HS6ST3: variants seen among roughly 807,000 people sequenced by gnomAD.
HS6ST3 encodes heparan sulfate 6-O-sulfotransferase 3, also known as heparan-sulfate 6-O-sulfotransferase 3.
HS6ST3 carries 12 observed loss-of-function variants against 36.7 expected under a neutral mutation model. That is an observed-to-expected ratio of 0.33 (90% CI 0.21 to 0.53). HS6ST3 has a LOEUF of 0.53. Among genes scored for constraint, HS6ST3 ranks in the 20% least tolerant of loss-of-function variants. The pLI, the probability that HS6ST3 is intolerant of heterozygous loss-of-function variation, is 0.95. For synonymous variants in HS6ST3, 240 were observed against 257.5 expected, an observed-to-expected ratio of 0.93 and a Z score of 0.65; for missense variants, 584 against 640.9, an observed-to-expected ratio of 0.91 and a Z score of 0.96.
intron 1 of HS6ST3, among the ~76,000 whole-genome samples, chr13:96,451,608 A>G (rs1033908697): frequency 6.6e-6 from 1 of 152,192 alleles, no homozygotes; most frequent in Non-Finnish European, 1.5e-5. Flanking sequence ...ATGAAAAGCC[A>G]TCTTGTGCAG....
chr13:96,291,349 A>G (rs2054828961), intron 1 of HS6ST3, among the ~76,000 whole-genome samples: 2 of 152,280 alleles, frequency 1.3e-5, no homozygotes, highest in Non-Finnish European at 2.9e-5. Flanking sequence ...AGTATTGATG[A>G]CAAGGGTTGG....
intron 1 of HS6ST3, among the ~76,000 whole-genome samples, chr13:96,778,052 T>C (rs1327801324): frequency 1.3e-5 from 2 of 152,146 alleles, no homozygotes; most frequent in African/African-American, 4.8e-5. Context: ...TTGACAAACC[T>C]GACAAAAACA....
intron 1 of HS6ST3, among the ~76,000 whole-genome samples, chr13:96,454,642 A>G (rs2055745922): frequency 6.6e-6 from 1 of 151,862 alleles, no homozygotes; most frequent in East Asian, 1.9e-4. Flanking sequence ...TAAAACATTT[A>G]GGTTTTTTTA....
At chr13:96,728,502 G>A (rs1274077540) in intron 1 of HS6ST3, among the ~76,000 whole-genome samples, 15 of 152,218 alleles carry the variant, frequency 9.9e-5, no homozygotes, top group East Asian at 5.8e-4. Context: ...ATTTAATGAC[G>A]TCTATTCCCG....
intron 1 of HS6ST3, among the ~76,000 whole-genome samples, chr13:96,468,220 T>A (rs2055823710): frequency 6.6e-6 from 1 of 152,108 alleles, no homozygotes; most frequent in Non-Finnish European, 1.5e-5. Context: ...TTTAAGAAAA[T>A]GAGAAATCAG....
intron 1 of HS6ST3, among the ~76,000 whole-genome samples, chr13:96,656,624 C>T (rs1358835339): frequency 1.3e-5 from 2 of 152,134 alleles, no homozygotes; most frequent in African/African-American, 4.8e-5. Flanking sequence ...GTCAGGGTCA[C>T]TGTGAACTTT....
intron 1 of HS6ST3, among the ~76,000 whole-genome samples, chr13:96,706,402 T>C (rs867191753): frequency 1.5e-5 from 2 of 134,176 alleles, no homozygotes; most frequent in African/African-American, 5.7e-5. Flanking sequence ...TAAAATATAA[T>C]AGAATATATT....
chr13:96,740,353 G>C (rs1182926681), intron 1 of HS6ST3, among the ~76,000 whole-genome samples: 1 of 152,072 alleles, frequency 6.6e-6, no homozygotes, highest in African/African-American at 2.4e-5. Context: ...GCTCCTCTCT[G>C]GAGAGGAACT....
intron 1 of HS6ST3, among the ~76,000 whole-genome samples, chr13:96,782,680 T>C (rs1325462930): frequency 6.6e-6 from 1 of 152,170 alleles, no homozygotes; most frequent in Non-Finnish European, 1.5e-5. Context: ...TTATCCATAC[T>C]AAGATTGTAG....
rs181314229 is a variant in HS6ST3 at position 96,376,025 on chromosome 13, A to G, written c.707+284456A>G. Among the ~76,000 whole-genome samples the G allele has an allele frequency of 3.9e-5, 6 of 152,284 alleles. No individual in the cohort carries two copies. In the East Asian group the frequency reaches 7.7e-4, roughly 20 times the overall value. On this transcript the variant is annotated intron_variant, in intron 1 of 1. Transcript: ENST00000376705. ...TTTTGTTTTTGAGATTTGCAAGTCA[A>G]GCAATATGGTAATCATGGCCCCAGA...
At chr13:96,485,119 A>G (rs929798784) in intron 1 of HS6ST3, among the ~76,000 whole-genome samples, 1 of 152,148 alleles carries the variant, frequency 6.6e-6, no homozygotes. Context: ...AATGTCCACA[A>G]AATAACTTGC....
intron 1 of HS6ST3, among the ~76,000 whole-genome samples, chr13:96,690,350 T>C (rs1292535415): frequency 6.6e-6 from 1 of 152,134 alleles, no homozygotes; most frequent in Non-Finnish European, 1.5e-5. Flanking sequence ...CTATTCAAAA[T>C]GTAATCAAGT....
intron 1 of HS6ST3, among the ~76,000 whole-genome samples, chr13:96,630,242 C>G (rs2056527339): frequency 6.6e-6 from 1 of 151,882 alleles, no homozygotes; most frequent in South Asian, 2.1e-4. Context: ...TGTGCTGTTT[C>G]TGTGTGTGTG....
At chr13:96,721,415 T>C (rs1331641086) in intron 1 of HS6ST3, among the ~76,000 whole-genome samples, 1 of 152,176 alleles carries the variant, frequency 6.6e-6, no homozygotes. Context: ...GCATAAATAA[T>C]AATATTTCTC....
At chr13:96,281,475 T>G (rs993177368) in intron 1 of HS6ST3, among the ~76,000 whole-genome samples, 1 of 152,056 alleles carries the variant, frequency 6.6e-6, no homozygotes, top group Non-Finnish European at 1.5e-5. Context: ...CAGACAACTG[T>G]GAGGAGAAAG....
chr13:96,424,593 A>G (rs776222063), intron 1 of HS6ST3, among the ~76,000 whole-genome samples: 2 of 152,152 alleles, frequency 1.3e-5, no homozygotes, highest in African/African-American at 4.8e-5. Context: ...TGATAGGTTC[A>G]ATGTCTGCTA....
chr13:96,685,385 A>T (rs1391959116), intron 1 of HS6ST3, among the ~76,000 whole-genome samples: 1 of 152,092 alleles, frequency 6.6e-6, no homozygotes, highest in African/African-American at 2.4e-5. Context: ...TGGCATAGAT[A>T]TGTGAAATAT....
chr13:96,137,756 A>G (rs2054009924), intron 1 of HS6ST3, among the ~76,000 whole-genome samples: 1 of 152,164 alleles, frequency 6.6e-6, no homozygotes, highest in Non-Finnish European at 1.5e-5. Flanking sequence ...ATTTGACCCT[A>G]CAAGGCCCAT....
intron 1 of HS6ST3, among the ~76,000 whole-genome samples, chr13:96,208,028 T>C (rs573023173): frequency 7.9e-5 from 12 of 152,292 alleles, no homozygotes; most frequent in Admixed American, 6.5e-4. Context: ...TGGTAAATTA[T>C]AAAAAAGGAA....
Sources: allele counts gnomAD v4.1 joint callset (sites outside exome capture counted in the v4.1 genomes callset), GRCh38; gene constraint gnomAD v4.1.1; transcripts MANE v1.5; gene names NCBI Gene and HGNC (gene_info 2026-07-23, HGNC 2026-07-21).